Variants in ZFP57 observed in about 807,000 individuals in gnomAD.
ZFP57 encodes zinc finger protein 57 homolog.
In ZFP57, 12 loss-of-function variants were observed where a neutral mutation model predicts 15.8. The observed-to-expected ratio is 0.76, with a 90% CI of 0.49 to 1.23. ZFP57 has a LOEUF of 1.23. Ranked by LOEUF, ZFP57 falls within the 50% of genes most tolerant of loss-of-function variation. ZFP57 has a pLI of 0.00. For synonymous variants in ZFP57, 203 were observed against 242.3 expected (o/e 0.84, Z 1.51); for missense variants, 536 against 654.9 (o/e 0.82, Z 1.98).
Position 29,672,765 on chromosome 6 carries a change from A to G in ZFP57, c.1346T>C (p.Phe449Ser). 1 of 1,612,988 alleles carries G rather than the reference A, an allele frequency of 6.2e-7. No individual in the cohort carries two copies. The highest frequency in any genetic ancestry group is 8.5e-7 in the Non-Finnish European group (1 of 1,180,024). Residue 449 changes from phenylalanine (F) to serine (S), a missense_variant, in exon 5 of 5, where the codon TTT (phenylalanine) becomes TCT (serine). Coordinates refer to ENST00000376883, the MANE Select transcript of ZFP57 (RefSeq NM_001109809.5). ...ATCCATAAGGCCCTCTTTCTCCCCA[A>G]AGGAGAGGTCACAGATAGGGCAAAG... is the stretch of plus-strand genomic sequence containing the variant. ...SYLCPICDLS[F>S]GEKEGLMDHW...
chr6:29,679,816 A>G (rs1406630683), intron 1 of ZFP57, among the ~76,000 whole-genome samples: 1 of 152,118 alleles, frequency 6.6e-6, no homozygotes, highest in East Asian at 1.9e-4. Context: ...CCCGGGAGGC[A>G]GAGGTTGCGG....
chr6:29,673,230 G>C lies in ZFP57; in HGVS notation c.881C>G (p.Thr294Ser). The C allele has an allele frequency of 6.2e-7, 1 of 1,613,070 alleles. No individual in the cohort carries two copies. The highest frequency in any genetic ancestry group is 2.2e-5 in the East Asian group (1 of 44,880). The change falls in exon 5 of 5, where the codon ACT (threonine) becomes AGT (serine). Residue 294 changes from threonine (T) to serine (S), a missense_variant. Coordinates refer to ENST00000376883, the MANE Select transcript of ZFP57 (RefSeq NM_001109809.5). The surrounding 1 kb of genome is among the most constrained non-coding windows in gnomAD (Gnocchi z 4.7). ...QEPVDGNQEC[T>S]LRIPGTQAEF... is the part of the protein sequence containing the mutation. ...AGCCTGGGTGCCTGGAATCCTCAAA[G>C]TACACTCCTGGTTTCCATCCACTGG...
intron 1 of ZFP57, among the ~76,000 whole-genome samples, chr6:29,680,207 C>T (rs185521307): frequency 1.3e-5 from 2 of 152,254 alleles, no homozygotes; most frequent in Admixed American, 1.3e-4. Flanking sequence ...AGCTGGAGGC[C>T]GCCTGCGGGC....
intron 1 of ZFP57, among the ~76,000 whole-genome samples, chr6:29,679,393 G>T (rs1772224659): frequency 1.3e-5 from 2 of 152,228 alleles, no homozygotes; most frequent in Non-Finnish European, 2.9e-5. Context: ...CGCCCTCGAG[G>T]AATAGAGTTA....
intron 1 of ZFP57, among the ~76,000 whole-genome samples, chr6:29,678,596 GAGA>G (rs1772185809): frequency 7.9e-6 from 1 of 127,212 alleles, no homozygotes; most frequent in African/African-American, 3.6e-5. Flanking sequence ...AAATTATTTT[GAGA>G]GAGATACCAC....
intron 1 of ZFP57, among the ~76,000 whole-genome samples, chr6:29,678,903 C>T (rs117280904): frequency 0.022 from 3,422 of 152,242 alleles, 44 homozygotes; most frequent in Admixed American, 0.037. Flanking sequence ...CGTGGTGGCA[C>T]GCTGTAGTCC....
At position 29,673,602 on chromosome 6, in the gene ZFP57, T is replaced by C. The variant is rs1239089042; in HGVS notation, c.509A>G (p.Gln170Arg). The change falls in exon 5 of 5, where the codon CAG becomes CGG. Residue 170 changes from glutamine (Q) to arginine (R), a missense_variant. By Grantham distance (43) the Gln-to-Arg change is conservative. Coordinates refer to ENST00000376883, the MANE Select transcript of ZFP57 (RefSeq NM_001109809.5). This position sits in a 1 kb window ranked among gnomAD's most constrained non-coding sequence, Gnocchi z 4.7. ...MDRTRVLQAS[Q>R]AGPPFFCYTC... ...GTAGCAAAAAAAGGGTGGCCCAGCC[T>C]GGGATGCTTGAAGCACCCGGGTCCT... 1.9e-6 allele frequency: 3 copies of C among 1,612,974 alleles called. No homozygotes were observed. Among genetic ancestry groups the C allele is most frequent in the Admixed American group, 3.3e-5 (2 of 60,016 alleles).
chr6:29,680,902 C>T (rs1379703544), intron 1 of ZFP57, among the ~76,000 whole-genome samples, 160 bp downstream of exon 1: 2 of 152,020 alleles, frequency 1.3e-5, no homozygotes, highest in African/African-American at 4.8e-5. Flanking sequence ...ACACCCCAGA[C>T]TAACCCACGT....
At position 29,673,032 on chromosome 6, in the gene ZFP57, G is replaced by A; in HGVS notation, c.1079C>T (p.Pro360Leu). ...NQAPVTRTQA[P>L]ITGTLCQDAR... ...ATCCTGACAGAGGGTTCCAGTGATG[G>A]GTGCCTGGGTCCTGGTCACAGGTGC... The change falls in exon 5 of 5, where the codon CCC becomes CTC. Residue 360 changes from proline (P) to leucine (L), a missense_variant. Physicochemically the swap from Pro to Leu is moderately conservative, Grantham distance 98. Transcript: ENST00000376883. This position sits in a 1 kb window ranked among gnomAD's most constrained non-coding sequence, Gnocchi z 4.7. 6.2e-7 allele frequency: 1 copy of A among 1,613,002 alleles called. No individual in the cohort carries two copies. The highest frequency in any genetic ancestry group is 1.3e-5 in the African/African-American group (1 of 75,020).
intron 1 of ZFP57, among the ~76,000 whole-genome samples, chr6:29,680,452 A>G (rs1371205859): frequency 6.6e-6 from 1 of 152,092 alleles, no homozygotes; most frequent in Non-Finnish European, 1.5e-5. Context: ...CAGCCACGTG[A>G]GTTTTCCGCC....
chr6:29,673,612 G>A lies in ZFP57; in HGVS notation c.499C>T (p.Gln167Ter), dbSNP rs1185661286. Reference protein sequence around the residue: ...AGTMDRTRVLQASQAGPPFFC... With the variant: ...AGTMDRTRVL ...AAGGGTGGCCCAGCCTGGGATGCTT[G>A]AAGCACCCGGGTCCTGTCCATAGTC... is the stretch of plus-strand genomic sequence containing the variant. The change falls in exon 5 of 5, where the codon CAA becomes TAA. Residue 167 changes from glutamine (Q) to a stop codon, truncating the protein, a stop_gained. Transcript: ENST00000376883. LOFTEE classifies it low-confidence loss of function (END_TRUNC). This position sits in a 1 kb window ranked among gnomAD's most constrained non-coding sequence, Gnocchi z 4.7. 1 of 1,612,942 alleles carries A rather than the reference G, an allele frequency of 6.2e-7. No individual in the cohort carries two copies. Among genetic ancestry groups the A allele is most frequent in the East Asian group, 2.2e-5 (1 of 44,884 alleles).
chr6:29,672,552 G>A lies in ZFP57; in HGVS notation c.1559C>T (p.Ala520Val), dbSNP rs1372785368. The part of the protein sequence containing the change: ...TPRRRGLREK[A>V]CKGDKTKEAV... ...CTCCTTTGTTTTGTCTCCTTTGCAG[G>A]CCTTCTCTCTTAGGCCTCTTCTCCT... The change falls in exon 5 of 5, where the codon GCC becomes GTC. Residue 520 changes from alanine to valine, a missense_variant. Ala to Val is a moderately conservative substitution (Grantham distance 64). Transcript: ENST00000376883. 6.2e-7 allele frequency: 1 copy of A among 1,612,764 alleles called. No homozygotes were observed. The highest frequency in any genetic ancestry group is 8.5e-7 in the Non-Finnish European group (1 of 1,180,012).
chr6:29,676,853 C>T, intron 2 of ZFP57, 28 bp downstream of exon 2: 4 of 1,613,636 alleles, frequency 2.5e-6, no homozygotes, highest in Non-Finnish European at 3.4e-6. Flanking sequence ...GACCTGGACC[C>T]CACCTCTCTC....
intron 2 of ZFP57, 39 bp from the exon 3 acceptor site, chr6:29,676,098 ATATATGTGTG>A: frequency 7.7e-7 from 1 of 1,298,380 alleles, no homozygotes; most frequent in Non-Finnish European, 1.1e-6. Context: ...TTATATAAAT[ATATATGTGTG>A]TGTGTGTGTG....
At chr6:29,678,629 C>T (rs889645171) in intron 1 of ZFP57, among the ~76,000 whole-genome samples, 6 of 150,356 alleles carry the variant, frequency 4.0e-5, no homozygotes, top group Middle Eastern at 3.5e-3. Context: ...ACTTTTATTA[C>T]AATATATTGC....
chr6:29,677,704 G>T (rs1772142891), intron 1 of ZFP57, among the ~76,000 whole-genome samples: 2 of 151,220 alleles, frequency 1.3e-5, no homozygotes, highest in Non-Finnish European at 1.5e-5. Flanking sequence ...TTTCTGACTT[G>T]GTTTCATCAG....
At position 29,673,818 on chromosome 6, in the gene ZFP57, G is replaced by T. The variant is rs1771896686; in HGVS notation, c.353-60C>A. 2.5e-6 allele frequency: 4 copies of T among 1,601,692 alleles called. No individual in the cohort carries two copies. Among genetic ancestry groups the T allele is most frequent in the Non-Finnish European group, 3.4e-6 (4 of 1,170,646 alleles). ...CTGTAAGAACTCCAACAGAGGCTTG[G>T]CATGGTGGCTCACACCTGTAATCCC... On this transcript the variant is annotated intron_variant, in intron 4 of 4. Coordinates refer to ENST00000376883, the MANE Select transcript of ZFP57 (RefSeq NM_001109809.5). The surrounding 1 kb of genome is among the most constrained non-coding windows in gnomAD (Gnocchi z 4.7).
chr6:29,674,173 A>AGAAGG (rs1771941130), intron 4 of ZFP57, among the ~76,000 whole-genome samples: 2 of 151,102 alleles, frequency 1.3e-5, no homozygotes, highest in Non-Finnish European at 2.9e-5. Flanking sequence ...GAAGGAGAAG[A>AGAAGG]AGAAGAAGAA....
At chr6:29,676,210 AAGAC>A (rs776086076) in intron 2 of ZFP57, 151 bp from the exon 3 acceptor site, 18 of 882,704 alleles carry the variant, frequency 2.0e-5, no homozygotes, top group Admixed American at 5.4e-5. Flanking sequence ...GAAATATTAA[AAGAC>A]AGACACAAGG....
Sources: allele counts gnomAD v4.1 joint callset (sites outside exome capture counted in the v4.1 genomes callset), GRCh38; gene constraint gnomAD v4.1.1; non-coding constraint Gnocchi (gnomAD v3.1); transcripts MANE v1.5; gene names NCBI Gene and HGNC (gene_info 2026-07-23, HGNC 2026-07-21).